The following MPP1 variants were observed in gnomAD, a reference collection of about 807,000 sequenced individuals.
The protein encoded by MPP1 is 55 kDa erythrocyte membrane protein.
In MPP1, 6 loss-of-function variants were observed where a neutral mutation model predicts 38.2. The observed-to-expected ratio is 0.16, with a 90% CI of 0.09 to 0.31. The LOEUF is 0.31. Ranked by LOEUF, MPP1 falls within the 10% of genes least tolerant of loss-of-function variation. The pLI is 1.00. For synonymous variants in MPP1, 153 were observed against 146.3 expected, an observed-to-expected ratio of 1.05 and a Z score of -0.33; for missense variants, 293 against 368.9, an observed-to-expected ratio of 0.79 and a Z score of 1.69.
rs2071963368 is a variant in MPP1, at chrX:154,779,468, C to CATACTT, written c.1225-116_1225-115insAAGTAT. ...TTGCTCAGCTGTGCATCATACTTGA[C>CATACTT]GAGTCAAATTCAGAAGACATTGTGA... On this transcript the variant is annotated intron_variant, in intron 11 of 11. Coordinates refer to ENST00000369534, the MANE Select transcript of MPP1 (RefSeq NM_002436.4). 6.0e-6 allele frequency: 4 copies of CATACTT among 664,954 alleles called. No homozygotes were observed. The African/African-American group carries it at 8.9e-5, about 15-fold the overall frequency. The allele number at this position is 664,954 out of a possible 1,213,427, so 54.8% of individuals were successfully genotyped here. A position where few individuals can be genotyped will look rare whatever the true frequency, so the allele number is the denominator to read the frequency against.
chrX:154,785,131 G>A lies in MPP1; in HGVS notation c.704C>T (p.Ala235Val), dbSNP rs942881402. The change falls in exon 7 of 12, where the codon GCT becomes GTT. Residue 235 changes from alanine to valine, a missense_variant. By Grantham distance (64) the Ala-to-Val change is moderately conservative. Coordinates refer to ENST00000369534, the MANE Select transcript of MPP1 (RefSeq NM_002436.4). ...ACTGCAGCTCGGGGCTTCGCTAGGA[G>A]CTGACTGAGCCATACTTGCCACTCG... Reference protein sequence around the residue: ...EWRVASMAQSAPSEAPSCSPF... With the variant: ...EWRVASMAQSVPSEAPSCSPF... 3.3e-6 allele frequency: 4 copies of A among 1,207,133 alleles called. No individual in the cohort carries two copies. Among genetic ancestry groups the A allele is most frequent in the Non-Finnish European group, 4.5e-6 (4 of 892,714 alleles).
intron 1 of MPP1, among the ~76,000 whole-genome samples, chrX:154,795,750 G>C (rs1557268106): frequency 1.8e-5 from 2 of 111,510 alleles, no homozygotes; most frequent in Non-Finnish European, 3.8e-5. Context: ...GGGTGACAGA[G>C]TGAGACCCTG....
intron 1 of MPP1, among the ~76,000 whole-genome samples, chrX:154,795,781 G>A (rs2072189213): frequency 9.0e-6 from 1 of 111,103 alleles, no homozygotes; most frequent in Non-Finnish European, 1.9e-5. Context: ...TAAAATAAAT[G>A]AAAATACATA....
intron 7 of MPP1, chrX:154,784,748 C>T (rs1443309917): frequency 2.5e-5 from 9 of 362,654 alleles, no homozygotes; most frequent in Non-Finnish European, 4.5e-5. Flanking sequence ...TGGCCCTGGC[C>T]TCTCCCTCTG....
In MPP1 at chrX:154,785,039, C is replaced by T; in HGVS notation, c.784+12G>A. The T allele has an allele frequency of 8.3e-7, 1 of 1,204,941 alleles. No individual in the cohort carries two copies. The highest frequency in any genetic ancestry group is 1.1e-6 in the Non-Finnish European group (1 of 889,368). On this transcript the variant is annotated intron_variant, in intron 7 of 11. Coordinates refer to ENST00000369534, the MANE Select transcript of MPP1 (RefSeq NM_002436.4). The stretch of plus-strand genomic sequence containing the variant: ...GCCAGGAACCTGGGGCAAGAAGGCT[C>T]AGAAAGCTTACTCGAGCTGTGCTTG...
intron 1 of MPP1, among the ~76,000 whole-genome samples, 175 bp downstream of exon 1, chrX:154,805,097 C>G (rs1275664113): frequency 1.8e-5 from 2 of 113,081 alleles, no homozygotes; most frequent in African/African-American, 6.4e-5. Context: ...CAGCCCGGTA[C>G]GAACCCGGCC....
intron 1 of MPP1, among the ~76,000 whole-genome samples, chrX:154,804,396 A>G (rs2072297236): frequency 8.9e-6 from 1 of 111,845 alleles, no homozygotes; most frequent in African/African-American, 3.3e-5. Context: ...AAGGAGGTTC[A>G]TGCTGTGACT....
intron 11 of MPP1, among the ~76,000 whole-genome samples, chrX:154,779,877 T>C (rs782132810): frequency 1.5e-4 from 17 of 112,818 alleles, no homozygotes; most frequent in African/African-American, 5.5e-4. Context: ...CGCCACCACA[T>C]CTGGCTAATT....
chrX:154,794,936 T>C (rs2072178763), intron 1 of MPP1, among the ~76,000 whole-genome samples: 1 of 111,400 alleles, frequency 9.0e-6, no homozygotes, highest in Non-Finnish European at 1.9e-5. Context: ...CTCCTGCCTC[T>C]GTAAGAAATT....
chrX:154,783,848 T>G (rs1244924082), intron 8 of MPP1, 180 bp downstream of exon 8: 1 of 450,350 alleles, frequency 2.2e-6, no homozygotes, highest in Non-Finnish European at 3.9e-6. Context: ...TAGTTTCATT[T>G]GTGAGGTGGA....
At chrX:154,788,914 C>T (rs1486509838) in intron 5 of MPP1, among the ~76,000 whole-genome samples, 5 of 111,373 alleles carry the variant, frequency 4.5e-5, no homozygotes, top group Non-Finnish European at 7.5e-5. Context: ...TAATACTGAG[C>T]GAATAAAATA....
intron 1 of MPP1, among the ~76,000 whole-genome samples, chrX:154,801,641 C>T (rs2148541783): frequency 9.3e-6 from 1 of 107,576 alleles, no homozygotes; most frequent in African/African-American, 3.4e-5. Flanking sequence ...CGCCTGTAAT[C>T]CCAGCTAGCT....
intron 11 of MPP1, among the ~76,000 whole-genome samples, chrX:154,780,661 A>G (rs782186730): frequency 9.0e-6 from 1 of 111,688 alleles, no homozygotes; most frequent in East Asian, 2.8e-4. Context: ...CACATGTGCT[A>G]TATGCACAGG....
intron 1 of MPP1, among the ~76,000 whole-genome samples, chrX:154,803,473 C>G (rs2072287360): frequency 8.9e-6 from 1 of 112,741 alleles, no homozygotes; most frequent in African/African-American, 3.2e-5. Context: ...GTGCCCACAA[C>G]ATAACACTGG....
At chrX:154,795,729 C>T (rs964331088) in intron 1 of MPP1, among the ~76,000 whole-genome samples, 1 of 111,665 alleles carries the variant, frequency 9.0e-6, no homozygotes, top group African/African-American at 3.3e-5. Context: ...TACACCACTG[C>T]ACTCTAGCCT....
At chrX:154,782,133 A>C in intron 9 of MPP1, 1 of 215,418 alleles carries the variant, frequency 4.6e-6, no homozygotes. Context: ...AAAATATTTT[A>C]AAAACAGATC....
chrX:154,804,913 T>C lies in MPP1; in HGVS notation c.102+359A>G, dbSNP rs148962605. The C allele has an allele frequency of 6.5e-4, 239 of 369,524 alleles. 1 individual carries two copies. The highest frequency in any genetic ancestry group is 2.9e-3 in the Middle Eastern group (7 of 2,405). 30.5% of individuals were successfully genotyped at this position (369,524 alleles called of 1,213,427 possible). On this transcript the variant is annotated intron_variant, in intron 1 of 11. Coordinates refer to ENST00000369534, the MANE Select transcript of MPP1 (RefSeq NM_002436.4). ...TTCTGCTGACCCAAACACAAGCACT[T>C]CAACAACAACCAGGCAGACCTACTC...
At chrX:154,784,648 G>A (rs911415781) in intron 7 of MPP1, 15 of 249,576 alleles carry the variant, frequency 6.0e-5, no homozygotes, top group African/African-American at 1.1e-4. Flanking sequence ...CTGACCGTGC[G>A]AATTCTCTGC....
In MPP1 at chrX:154,794,965, G is replaced by A. The variant is rs1483726278; in HGVS notation, c.103-2680C>T. On this transcript the variant is annotated intron_variant, in intron 1 of 11. Coordinates refer to ENST00000369534, the MANE Select transcript of MPP1 (RefSeq NM_002436.4). Reference sequence around the variant, plus strand: ...AGAAATTTTAAAATTAGCTGAGTGTGGTGGTGCAAGCCTGTGGTCCCAGCT... The same window carrying A: ...AGAAATTTTAAAATTAGCTGAGTGTAGTGGTGCAAGCCTGTGGTCCCAGCT... Among the ~76,000 whole-genome samples, 6 of 111,697 alleles carry A rather than the reference G, an allele frequency of 5.4e-5. No homozygotes were observed. The Admixed American group carries it at 5.7e-4, about 11-fold the overall frequency.
Sources: gnomAD v4.1 joint callset for allele counts (sites outside exome capture counted in the v4.1 genomes callset) on GRCh38, gnomAD v4.1.1 for gene constraint, MANE v1.5 for transcripts, NCBI Gene and HGNC (gene_info 2026-07-23, HGNC 2026-07-21) for gene names.